Variants in GPR141 observed in about 807,000 individuals in gnomAD.
The protein encoded by GPR141 is probable G protein-coupled receptor 141.
Under a neutral mutation model 6.8 loss-of-function variants are expected in GPR141, and 6 were observed. The ratio of observed to expected loss-of-function variants is 0.88; its 90% CI spans 0.48 to 1.74. The LOEUF is 1.74. GPR141 is among the 40% of genes most tolerant of loss of function. GPR141 has a pLI of 0.01. For synonymous variants in GPR141, 140 were observed against 142.3 expected (o/e 0.98, Z 0.11); for missense variants, 372 against 372.9 (o/e 1.00, Z 0.02).
chr7:37,700,396 G>A (rs745909326), intron 2 of GPR141, among the ~76,000 whole-genome samples: 1 of 152,154 alleles, frequency 6.6e-6, no homozygotes, highest in African/African-American at 2.4e-5. Flanking sequence ...GCAAAGCATA[G>A]CATAATAACC....
intron 2 of GPR141, among the ~76,000 whole-genome samples, chr7:37,724,007 A>C (rs1811489785): frequency 6.6e-6 from 1 of 152,188 alleles, no homozygotes. Flanking sequence ...ACAGTTCCTT[A>C]TTTTCGAGAA....
At chr7:37,737,136 A>T (rs1360953257) in intron 2 of GPR141, among the ~76,000 whole-genome samples, 1 of 152,202 alleles carries the variant, frequency 6.6e-6, no homozygotes, top group Non-Finnish European at 1.5e-5. Context: ...AAGTACACAC[A>T]CTAAAGAAAA....
chr7:37,723,029 C>T (rs1213112553), intron 2 of GPR141, among the ~76,000 whole-genome samples: 1 of 143,338 alleles, frequency 7.0e-6, no homozygotes, highest in Non-Finnish European at 1.5e-5. Flanking sequence ...GTCTGTTGCC[C>T]AGGTTGGAGT....
intron 2 of GPR141, among the ~76,000 whole-genome samples, chr7:37,735,880 A>C (rs1202377528): frequency 1.3e-5 from 2 of 152,224 alleles, no homozygotes. Context: ...ACAGCCTAGA[A>C]CTGAAAGTAT....
intron 2 of GPR141, among the ~76,000 whole-genome samples, chr7:37,714,281 A>T (rs1053600328): frequency 3.3e-5 from 5 of 152,198 alleles, no homozygotes; most frequent in African/African-American, 1.2e-4. Context: ...CTCTTCTCTT[A>T]TTTCAATTAC....
At chr7:37,725,439 G>A (rs1340650190) in intron 2 of GPR141, among the ~76,000 whole-genome samples, 1 of 152,128 alleles carries the variant, frequency 6.6e-6, no homozygotes, top group East Asian at 1.9e-4. Flanking sequence ...CTGGTTCCTG[G>A]CACGGCATCC....
At chr7:37,698,328 C>G (rs898269671) in intron 2 of GPR141, among the ~76,000 whole-genome samples, 1 of 152,138 alleles carries the variant, frequency 6.6e-6, no homozygotes, top group Non-Finnish European at 1.5e-5. Flanking sequence ...TCCCTCCTAC[C>G]ACCATGGTAC....
At chr7:37,733,116 T>C (rs775916170) in intron 2 of GPR141, among the ~76,000 whole-genome samples, 1 of 152,066 alleles carries the variant, frequency 6.6e-6, no homozygotes, top group Non-Finnish European at 1.5e-5. Flanking sequence ...ATGAGTAACA[T>C]AGAGTACATG....
rs146912152 is a variant in GPR141, at chr7:37,740,793, G to C, written c.400G>C (p.Ala134Pro). ...VEFYRKLHAV[A>P]ASAGMWTLVI... is the part of the protein sequence containing the mutation. ...ATTCTACAGAAAACTGCATGCTGTGGCTGCCAGTGCTGGCATGTGGACGCT... is the reference window on the plus strand; with the variant it reads ...ATTCTACAGAAAACTGCATGCTGTGCCTGCCAGTGCTGGCATGTGGACGCT... Residue 134 changes from alanine to proline, a missense_variant, in exon 3 of 3, where the codon GCT becomes CCT. Ala to Pro is a conservative substitution (Grantham distance 27, BLOSUM62 -1). Transcript: ENST00000334425. 2.2e-5 allele frequency: 36 copies of C among 1,614,042 alleles called. No homozygotes were observed. In the African/African-American group the frequency reaches 4.7e-4, roughly 21 times the overall value.
chr7:37,686,657 G>A (rs1335114214), intron 2 of GPR141, among the ~76,000 whole-genome samples: 2 of 152,096 alleles, frequency 1.3e-5, no homozygotes, highest in East Asian at 3.9e-4. Context: ...TATTATCATG[G>A]AGATTACGTA....
intron 2 of GPR141, among the ~76,000 whole-genome samples, chr7:37,698,602 T>G (rs1337202700): frequency 6.6e-6 from 1 of 152,188 alleles, no homozygotes; most frequent in Non-Finnish European, 1.5e-5. Context: ...CAGGGACAAC[T>G]TTATGATTAG....
At chr7:37,733,671 C>CAAAAAAAAA (rs55943222) in intron 2 of GPR141, among the ~76,000 whole-genome samples, 4 of 101,302 alleles carry the variant, frequency 3.9e-5, no homozygotes, top group Non-Finnish European at 7.7e-5. Flanking sequence ...AACTCCATCT[C>CAAAAAAAAA]AAAAAAAAAA....
chr7:37,718,755 C>G (rs1168821979), intron 2 of GPR141, among the ~76,000 whole-genome samples: 2 of 152,218 alleles, frequency 1.3e-5, no homozygotes, highest in African/African-American at 4.8e-5. Flanking sequence ...AGAGCCCTGT[C>G]TACATCCACT....
At chr7:37,691,285 ATCCTTTTTTT>A (rs376164502) in intron 2 of GPR141, among the ~76,000 whole-genome samples, 4 of 34,268 alleles carry the variant, frequency 1.2e-4, no homozygotes, top group South Asian at 9.1e-4. Context: ...CCCAGTCTAT[ATCCTTTTTTT>A]TTTTTTTTTT....
intron 2 of GPR141, among the ~76,000 whole-genome samples, chr7:37,686,467 C>T (rs1310062262): frequency 1.3e-5 from 2 of 152,104 alleles, no homozygotes; most frequent in Admixed American, 1.3e-4. Context: ...TGTTATTATT[C>T]GTGACAGTCA....
At chr7:37,709,723 G>C (rs1810700046) in intron 2 of GPR141, 1 of 152,182 alleles carries the variant, frequency 6.6e-6, no homozygotes, top group African/African-American at 2.4e-5. Flanking sequence ...TAAAGACATG[G>C]ATAAAAGAAA....
intron 2 of GPR141, among the ~76,000 whole-genome samples, chr7:37,690,014 G>A (rs996543887): frequency 6.6e-6 from 1 of 150,760 alleles, no homozygotes; most frequent in East Asian, 1.9e-4. Context: ...CTACTTTTTC[G>A]ATGTAGGCAT....
intron 2 of GPR141, among the ~76,000 whole-genome samples, chr7:37,707,040 C>G (rs528465410): frequency 6.6e-5 from 10 of 152,186 alleles, no homozygotes; most frequent in African/African-American, 1.2e-4. Context: ...ACCCTCTTCT[C>G]CTCCCCTTTA....
intron 2 of GPR141, among the ~76,000 whole-genome samples, chr7:37,713,686 A>T (rs978624337): frequency 2.2e-4 from 34 of 152,294 alleles, no homozygotes; most frequent in Middle Eastern, 3.4e-3. Flanking sequence ...TAAAGATACT[A>T]TGTCTTTAAA....
Sources: gnomAD v4.1 joint callset for allele counts (sites outside exome capture counted in the v4.1 genomes callset) on GRCh38, gnomAD v4.1.1 for gene constraint, MANE v1.5 for transcripts, NCBI Gene and HGNC (gene_info 2026-07-23, HGNC 2026-07-21) for gene names.